PHACTR3: variants seen among roughly 807,000 people sequenced by gnomAD.
The protein encoded by PHACTR3 is protein phosphatase 1, regulatory subunit 123.
Under a neutral mutation model 66.8 loss-of-function variants are expected in PHACTR3, and 16 were observed. That is an observed-to-expected ratio of 0.24 (90% CI 0.16 to 0.36). The LOEUF (loss-of-function observed/expected upper bound fraction) is 0.36, where lower values mean the gene tolerates loss of function less well. Ranked by LOEUF, PHACTR3 falls within the 10% of genes least tolerant of loss-of-function variation. The pLI, the probability that PHACTR3 is intolerant of heterozygous loss-of-function variation, is 1.00. For synonymous variants in PHACTR3, 323 were observed against 292.1 expected, an observed-to-expected ratio of 1.11 and a Z score of -1.08; for missense variants, 647 against 719.9, an observed-to-expected ratio of 0.90 and a Z score of 1.16.
intron 1 of PHACTR3, among the ~76,000 whole-genome samples, chr20:59,635,095 TTCTCTC>T (rs201285336): frequency 7.6e-6 from 1 of 131,308 alleles, no homozygotes; most frequent in Non-Finnish European, 1.6e-5. Flanking sequence ...CTTTCTTTCT[TTCTCTC>T]TCTTTCTTTC....
chr20:59,832,783 T>C (rs996282533), intron 8 of PHACTR3, among the ~76,000 whole-genome samples: 4 of 152,142 alleles, frequency 2.6e-5, no homozygotes, highest in African/African-American at 9.7e-5. Flanking sequence ...CTCAGGACCT[T>C]TGCACATGTC....
chr20:59,584,278 G>T (rs532512756), intron 1 of PHACTR3, among the ~76,000 whole-genome samples: 1 of 151,902 alleles, frequency 6.6e-6, no homozygotes, highest in African/African-American at 2.4e-5. Flanking sequence ...TTGTGAGGCC[G>T]TGCAAGAGTG....
intron 1 of PHACTR3, among the ~76,000 whole-genome samples, chr20:59,672,456 T>A (rs2036227189): frequency 6.6e-6 from 1 of 152,192 alleles, no homozygotes; most frequent in East Asian, 1.9e-4. Context: ...GCAGCTCTGA[T>A]ATTTGGGGAG....
chr20:59,671,062 GC>G (rs1568693135), intron 1 of PHACTR3, among the ~76,000 whole-genome samples: 1 of 152,206 alleles, frequency 6.6e-6, no homozygotes, highest in Non-Finnish European at 1.5e-5. Context: ...ATGGGAGAGA[GC>G]ATTTGGTTTC....
intron 1 of PHACTR3, among the ~76,000 whole-genome samples, chr20:59,608,806 A>T (rs1011637270): frequency 3.9e-5 from 6 of 152,116 alleles, no homozygotes; most frequent in African/African-American, 1.4e-4. Flanking sequence ...CACCCCAGGG[A>T]ACTCTGATCT....
At chr20:59,730,732 C>A (rs778313046) in intron 1 of PHACTR3, among the ~76,000 whole-genome samples, 4 of 152,168 alleles carry the variant, frequency 2.6e-5, no homozygotes, top group Non-Finnish European at 4.4e-5. Context: ...CTGTCAAATG[C>A]ACAAACCAAA....
Position 59,658,335 on chromosome 20 carries a change from T to TA in PHACTR3, c.118+53203_118+53204insA, listed in dbSNP as rs202181502. 8.9e-3 allele frequency among the ~76,000 whole-genome samples: 1,357 copies of TA among 152,170 alleles called. 27 individuals carry two copies. The highest frequency in any genetic ancestry group is 0.031 in the African/African-American group (1,277 of 41,518). On this transcript the variant is annotated intron_variant, in intron 1 of 12. Coordinates refer to ENST00000371015, the MANE Select transcript of PHACTR3 (RefSeq NM_080672.5). ...GGCAGCTTCTTTTGAATGCTTTTTTTTAAATGTATTTGTTGCACTTTCCTG... is the reference window on the plus strand; with the variant it reads ...GGCAGCTTCTTTTGAATGCTTTTTTTATAAATGTATTTGTTGCACTTTCCTG...
rs557316547 is a variant in PHACTR3, at chr20:59,772,505, C to T, written c.752-774C>T. Among the ~76,000 whole-genome samples, 468 of 152,264 alleles carry T rather than the reference C, an allele frequency of 3.1e-3. 1 individual carries two copies. The highest frequency in any genetic ancestry group is 5.6e-3 in the Non-Finnish European group (380 of 67,996). On this transcript the variant is annotated intron_variant, in intron 5 of 12. Transcript: ENST00000371015. ...GAGACGAGGGATCTGATCATGGCCT[C>T]TCTAAGGAAATGGTATTCTAGCAGA...
intron 1 of PHACTR3, among the ~76,000 whole-genome samples, chr20:59,664,170 ATAG>A (rs2035911674): frequency 6.6e-6 from 1 of 152,242 alleles, no homozygotes; most frequent in Admixed American, 6.5e-5. Flanking sequence ...GATAAGAAAA[ATAG>A]TAGGCTTCCC....
chr20:59,804,416 G>A (rs566591938), intron 7 of PHACTR3, among the ~76,000 whole-genome samples: 10 of 152,304 alleles, frequency 6.6e-5, no homozygotes, highest in South Asian at 2.1e-4. Flanking sequence ...ATTAAACCAC[G>A]TTCAGTATAG....
intron 1 of PHACTR3, among the ~76,000 whole-genome samples, chr20:59,610,294 C>A (rs1250053119): frequency 1.3e-5 from 2 of 152,188 alleles, no homozygotes; most frequent in African/African-American, 4.8e-5. Context: ...CCTTCTCACC[C>A]TAACACCACA....
intron 1 of PHACTR3, among the ~76,000 whole-genome samples, chr20:59,620,946 G>T (rs74898106): frequency 0.03 from 4,538 of 152,318 alleles, 77 homozygotes; most frequent in Middle Eastern, 0.071. Context: ...TTACACTAGT[G>T]TGGACGCCTG....
intron 4 of PHACTR3, 66 bp downstream of exon 4, chr20:59,755,430 C>T: frequency 2.0e-6 from 3 of 1,531,882 alleles, no homozygotes; most frequent in Non-Finnish European, 2.7e-6. Context: ...CACTGTTGTC[C>T]TTGGCTATAG....
At chr20:59,722,188 T>C (rs113434381) in intron 1 of PHACTR3, among the ~76,000 whole-genome samples, 12,021 of 151,632 alleles carry the variant, frequency 0.079, 562 homozygotes, top group South Asian at 0.1. Flanking sequence ...GCCAAGAACA[T>C]GCCACTGCAC....
intron 7 of PHACTR3, among the ~76,000 whole-genome samples, chr20:59,780,725 G>A (rs1246703116): frequency 1.3e-5 from 2 of 152,190 alleles, no homozygotes; most frequent in East Asian, 3.8e-4. Flanking sequence ...CTTACTCTGC[G>A]TAGAGAGACT....
chr20:59,791,607 T>TA (rs1213177258), intron 7 of PHACTR3, among the ~76,000 whole-genome samples: 2 of 151,610 alleles, frequency 1.3e-5, no homozygotes, highest in Non-Finnish European at 2.9e-5. Flanking sequence ...TTTTTTTTTT[T>TA]AACTGAAGTT....
At chr20:59,665,314 G>A (rs1252103678) in intron 1 of PHACTR3, among the ~76,000 whole-genome samples, 1 of 152,156 alleles carries the variant, frequency 6.6e-6, no homozygotes, top group Non-Finnish European at 1.5e-5. Context: ...TGTGCTTCTT[G>A]AGAAATGATG....
Position 59,738,256 on chromosome 20 carries a change from C to A in PHACTR3, c.119-4851C>A, listed in dbSNP as rs1333134637. On this transcript the variant is annotated intron_variant, in intron 1 of 12. Coordinates refer to ENST00000371015, the MANE Select transcript of PHACTR3 (RefSeq NM_080672.5). The surrounding 1 kb of genome is among the most constrained non-coding windows in gnomAD (Gnocchi z 4.4). ...GCCTGGGGTGCCTGGTCCCAGCCCC[C>A]ATGTTCTTCACAGCTACGTCACACT... Among the ~76,000 whole-genome samples the A allele has an allele frequency of 1.3e-5, 2 of 152,068 alleles. No individual in the cohort carries two copies. Among genetic ancestry groups the A allele is most frequent in the Admixed American group, 6.5e-5 (1 of 15,272 alleles).
intron 1 of PHACTR3, among the ~76,000 whole-genome samples, chr20:59,645,442 C>T (rs1229549350): frequency 6.6e-6 from 1 of 152,002 alleles, no homozygotes; most frequent in Admixed American, 6.5e-5. Context: ...CAGCCTCCCT[C>T]AGATCCCAGC....
Sources: allele counts gnomAD v4.1 joint callset (sites outside exome capture counted in the v4.1 genomes callset), GRCh38; gene constraint gnomAD v4.1.1; non-coding constraint Gnocchi (gnomAD v3.1); transcripts MANE v1.5; gene names NCBI Gene and HGNC (gene_info 2026-07-23, HGNC 2026-07-21).